Variants in CSMD1 observed in about 807,000 individuals in gnomAD.
CSMD1 encodes CUB and sushi domain-containing protein 1.
In CSMD1, 213 loss-of-function variants were observed where a neutral mutation model predicts 417.5. The observed-to-expected ratio is 0.51, with a 90% CI of 0.46 to 0.57. The LOEUF (loss-of-function observed/expected upper bound fraction) is 0.57. Ranked by LOEUF, CSMD1 falls within the 20% of genes least tolerant of loss-of-function variation. CSMD1 has a pLI of 0.00. For synonymous variants in CSMD1, 2,862 were observed against 1,736.8 expected, an observed-to-expected ratio of 1.65 and a Z score of -16.11; for missense variants, 6,923 against 4,529.7, an observed-to-expected ratio of 1.53 and a Z score of -15.17.
intron 2 of CSMD1, among the ~76,000 whole-genome samples, chr8:4,426,023 C>G (rs1274297713): frequency 6.6e-6 from 1 of 150,608 alleles, no homozygotes; most frequent in Non-Finnish European, 1.5e-5. Context: ...ATGTGTTTTC[C>G]AAATCTCCAA....
At chr8:3,183,302 G>C (rs896344981) in intron 36 of CSMD1, among the ~76,000 whole-genome samples, 3 of 143,932 alleles carry the variant, frequency 2.1e-5, no homozygotes, top group Non-Finnish European at 3.1e-5. Context: ...ACATCGAGTA[G>C]GTCTCTAACG....
rs145186132 is a variant in CSMD1, at chr8:3,978,568, A to C, written c.818+19335T>G. Among the ~76,000 whole-genome samples the C allele has an allele frequency of 3.3e-3, 498 of 152,234 alleles. 1 individual carries two copies. Among genetic ancestry groups the C allele is most frequent in the Non-Finnish European group, 5.0e-3 (338 of 68,014 alleles). The stretch of plus-strand genomic sequence containing the variant: ...AAGGGTTTCAAAAATATAGATCCTC[A>C]TAGGGTCTAATGAATAGATTGAGGC... On this transcript the variant is annotated intron_variant, in intron 5 of 69. Transcript: ENST00000635120.
intron 23 of CSMD1, among the ~76,000 whole-genome samples, chr8:3,326,989 C>T (rs1806574467): frequency 6.8e-6 from 1 of 148,142 alleles, no homozygotes; most frequent in South Asian, 2.2e-4. Flanking sequence ...CCTGCCTGGG[C>T]AATAGAGCAA....
chr8:4,446,380 TC>T (rs1281690202), intron 2 of CSMD1, among the ~76,000 whole-genome samples: 46 of 151,924 alleles, frequency 3.0e-4, no homozygotes, highest in Non-Finnish European at 7.4e-5. Context: ...GAACCCCAAC[TC>T]CATAAAAACA....
At chr8:3,887,289 G>T (rs976619448) in intron 5 of CSMD1, among the ~76,000 whole-genome samples, 7 of 152,142 alleles carry the variant, frequency 4.6e-5, no homozygotes, top group Non-Finnish European at 1.0e-4. Context: ...GGAGGCCCAC[G>T]GTACATCCTC....
intron 5 of CSMD1, among the ~76,000 whole-genome samples, chr8:3,754,274 C>T (rs371983506): frequency 6.6e-6 from 1 of 152,094 alleles, no homozygotes; most frequent in African/African-American, 2.4e-5. Flanking sequence ...ATATTTGATA[C>T]TTTCATTCTC....
chr8:4,667,897 C>T (rs971426320), intron 1 of CSMD1, among the ~76,000 whole-genome samples: 1 of 152,264 alleles, frequency 6.6e-6, no homozygotes. Context: ...AATTGAATAG[C>T]AGTGGTTAGA....
At chr8:3,868,085 T>C (rs1198963156) in intron 5 of CSMD1, among the ~76,000 whole-genome samples, 3 of 152,160 alleles carry the variant, frequency 2.0e-5, no homozygotes, top group Non-Finnish European at 4.4e-5. Context: ...CTCATGATGC[T>C]TAATTCCTTG....
At chr8:3,320,821 G>A (rs138582695) in intron 23 of CSMD1, among the ~76,000 whole-genome samples, 8 of 152,334 alleles carry the variant, frequency 5.3e-5, no homozygotes, top group Non-Finnish European at 1.0e-4. Flanking sequence ...CCTGCAGAGC[G>A]AGGGCGCAGG....
chr8:2,989,963 G>A (rs1418078789), intron 54 of CSMD1, among the ~76,000 whole-genome samples: 1 of 152,164 alleles, frequency 6.6e-6, no homozygotes, highest in East Asian at 1.9e-4. Flanking sequence ...GATATAGTAG[G>A]TGCTCAACAA....
At chr8:3,860,725 T>C (rs1478183391) in intron 5 of CSMD1, among the ~76,000 whole-genome samples, 2 of 152,176 alleles carry the variant, frequency 1.3e-5, no homozygotes, top group Admixed American at 6.5e-5. Flanking sequence ...TACACGCTAA[T>C]AGCAAAGTCC....
At chr8:4,386,586 T>C (rs1370570299) in intron 3 of CSMD1, among the ~76,000 whole-genome samples, 1 of 152,204 alleles carries the variant, frequency 6.6e-6, no homozygotes, top group African/African-American at 2.4e-5. Flanking sequence ...AAAGGCCTGT[T>C]ACGGCAGGGC....
chr8:4,377,544 G>C (rs1228281900), intron 3 of CSMD1, among the ~76,000 whole-genome samples: 4 of 152,136 alleles, frequency 2.6e-5, no homozygotes, highest in Non-Finnish European at 5.9e-5. Context: ...TATACTCAAA[G>C]TTGAGTCAGT....
At chr8:4,656,982 G>C (rs1804271941) in intron 1 of CSMD1, among the ~76,000 whole-genome samples, 1 of 152,070 alleles carries the variant, frequency 6.6e-6, no homozygotes, top group Non-Finnish European at 1.5e-5. Context: ...AGGCACAAGA[G>C]ATGGACGATC....
chr8:3,371,197 C>T lies in CSMD1; in HGVS notation c.2783-1827G>A, dbSNP rs895233954. On this transcript the variant is annotated intron_variant, in intron 18 of 69. Coordinates refer to ENST00000635120, the MANE Select transcript of CSMD1 (RefSeq NM_033225.6). ...GAAGGCAGATCTTGGGACCTTTTGG[C>T]CTCCCAAACACATGAGCCAATTCCC... Among the ~76,000 whole-genome samples, 12 of 152,132 alleles carry T rather than the reference C, an allele frequency of 7.9e-5. No homozygotes were observed. The East Asian group carries it at 2.3e-3, about 29-fold the overall frequency.
At chr8:3,734,507 T>A (rs1440706164) in intron 6 of CSMD1, among the ~76,000 whole-genome samples, 1 of 152,148 alleles carries the variant, frequency 6.6e-6, no homozygotes, top group African/African-American at 2.4e-5. Context: ...CGTCAGGAGT[T>A]CAAGACCAAC....
chr8:4,374,113 T>C (rs1411180591), intron 3 of CSMD1, among the ~76,000 whole-genome samples: 1 of 152,162 alleles, frequency 6.6e-6, no homozygotes, highest in East Asian at 1.9e-4. Context: ...TTTTCACACC[T>C]GCCATTTTAT....
chr8:3,726,433 C>G (rs546672897), intron 6 of CSMD1, among the ~76,000 whole-genome samples: 3 of 152,164 alleles, frequency 2.0e-5, no homozygotes, highest in Non-Finnish European at 2.9e-5. Flanking sequence ...AGATTGGTGA[C>G]AAGGACAGGG....
chr8:4,447,410 G>C (rs140675006), intron 2 of CSMD1, among the ~76,000 whole-genome samples: 26 of 152,310 alleles, frequency 1.7e-4, no homozygotes, highest in African/African-American at 6.0e-4. Flanking sequence ...AAGGAAGCCT[G>C]AAGTGGATGG....
Sources: allele counts gnomAD v4.1 joint callset (sites outside exome capture counted in the v4.1 genomes callset), GRCh38; gene constraint gnomAD v4.1.1; transcripts MANE v1.5; gene names NCBI Gene and HGNC (gene_info 2026-07-23, HGNC 2026-07-21).